Variants in KIAA1217 observed in about 807,000 individuals in gnomAD.
KIAA1217 encodes KIAA1217, also known as sickle tail protein homolog.
Under a neutral mutation model 163.9 loss-of-function variants are expected in KIAA1217, and 88 were observed. That is an observed-to-expected ratio of 0.54 (90% CI 0.45 to 0.64). KIAA1217 has a LOEUF of 0.64. Ranked by LOEUF, KIAA1217 falls within the 30% of genes least tolerant of loss-of-function variation. The pLI, the probability that KIAA1217 is intolerant of heterozygous loss-of-function variation, is 0.00. For synonymous variants in KIAA1217, 903 were observed against 923.1 expected (o/e 0.98, Z 0.39); for missense variants, 2,372 against 2,475.0 (o/e 0.96, Z 0.88).
chr10:24,340,059 T>G, intron 2 of KIAA1217, among the ~76,000 whole-genome samples: 1 of 152,206 alleles, frequency 6.6e-6, no homozygotes, highest in East Asian at 1.9e-4. Context: ...AAAGGATGTC[T>G]AACCATCCAA....
Position 24,380,991 on chromosome 10 carries a change from T to C in KIAA1217, c.477T>C (p.Pro159=), listed in dbSNP as rs1300943495. ...TGTCTGAGGGGGATGCTCCAACCCC[T>C]TTTTCCAGAGGCAGCCGGACTCGTG... ...EAMSEGDAPT[P]FSRGSRTRAS... The change falls in exon 3 of 21, where the codon CCT becomes CCC. Residue 159 remains proline (P), a synonymous_variant. Transcript: ENST00000376454. 4.4e-6 allele frequency: 7 copies of C among 1,602,808 alleles called. No individual in the cohort carries two copies. Among genetic ancestry groups the C allele is most frequent in the Admixed American group, 3.4e-5 (2 of 58,486 alleles).
chr10:24,158,440 T>C, intron 2 of KIAA1217: 1 of 565,870 alleles, frequency 1.8e-6, no homozygotes, highest in Non-Finnish European at 3.5e-6. Context: ...ACACATGATG[T>C]CTAACACAGG....
intron 2 of KIAA1217, among the ~76,000 whole-genome samples, chr10:24,237,032 T>C (rs1284002526): frequency 6.6e-6 from 1 of 152,234 alleles, no homozygotes; most frequent in African/African-American, 2.4e-5. Flanking sequence ...AAGTCAATCA[T>C]AGGTACCCAT....
At chr10:24,354,438 G>A (rs914973781) in intron 2 of KIAA1217, among the ~76,000 whole-genome samples, 2 of 152,218 alleles carry the variant, frequency 1.3e-5, no homozygotes, top group African/African-American at 2.4e-5. Context: ...TCTCAAAGCT[G>A]CAGTGGGCAT....
At position 23,982,086 on chromosome 10, in the gene KIAA1217, G is replaced by A. The variant is rs184679722; in HGVS notation, c.-320-25139G>A. On this transcript the variant is annotated intron_variant, in intron 1 of 18. Transcript: ENST00000376462. ...TGTGCCTGGAAAAATTCAAGCAGAA[G>A]CTGCAGGAAATCTTGTGGTGACTCT... Among the ~76,000 whole-genome samples, 26 of 151,928 alleles carry A rather than the reference G, an allele frequency of 1.7e-4. No individual in the cohort carries two copies. The East Asian group carries it at 5.1e-3, about 30-fold the overall frequency.
chr10:24,371,542 G>A (rs1041751314), intron 2 of KIAA1217, among the ~76,000 whole-genome samples: 4 of 152,150 alleles, frequency 2.6e-5, no homozygotes, highest in Non-Finnish European at 5.9e-5. Flanking sequence ...TGGCCTTGGC[G>A]CTTTTCTTAA....
chr10:23,894,576 G>T (rs544911702), intron 1 of KIAA1217, among the ~76,000 whole-genome samples: 35,381 of 142,242 alleles, frequency 0.25, 4,784 homozygotes, highest in Middle Eastern at 0.31. Flanking sequence ...CAAGGTAATG[G>T]ATAGATTCAA....
chr10:24,463,434 G>A (rs1592145054), intron 5 of KIAA1217, among the ~76,000 whole-genome samples: 1 of 152,094 alleles, frequency 6.6e-6, no homozygotes, highest in East Asian at 1.9e-4. Context: ...TTTGGCAGCA[G>A]TCTGTCTGTC....
chr10:24,097,366 A>G (rs1379135883), intron 2 of KIAA1217, among the ~76,000 whole-genome samples: 1 of 152,196 alleles, frequency 6.6e-6, no homozygotes, highest in African/African-American at 2.4e-5. Context: ...AGCCTGAACA[A>G]CATAGCAAGA....
chr10:24,281,741 C>T (rs778468103), intron 2 of KIAA1217, among the ~76,000 whole-genome samples: 5 of 151,980 alleles, frequency 3.3e-5, no homozygotes, highest in Non-Finnish European at 5.9e-5. Flanking sequence ...AAGCCATTCT[C>T]ATTATATCAT....
intron 2 of KIAA1217, among the ~76,000 whole-genome samples, chr10:24,072,740 G>T (rs970141461): frequency 3.3e-5 from 5 of 152,154 alleles, no homozygotes; most frequent in Non-Finnish European, 4.4e-5. Flanking sequence ...AAAAGGGAAT[G>T]ACATGATTAA....
intron 3 of KIAA1217, among the ~76,000 whole-genome samples, chr10:24,417,086 C>T (rs138809700): frequency 7.5e-4 from 114 of 152,136 alleles, no homozygotes; most frequent in Non-Finnish European, 1.4e-3. Flanking sequence ...TTTCAGGTCA[C>T]GTAAGAGATA....
chr10:24,186,917 C>T (rs2066461302), intron 2 of KIAA1217, among the ~76,000 whole-genome samples: 1 of 152,090 alleles, frequency 6.6e-6, no homozygotes, highest in African/African-American at 2.4e-5. Flanking sequence ...AAATTTTAAT[C>T]TAGTATTTTT....
chr10:24,108,787 A>G (rs1425565571), intron 2 of KIAA1217, among the ~76,000 whole-genome samples: 2 of 152,204 alleles, frequency 1.3e-5, no homozygotes, highest in Non-Finnish European at 2.9e-5. Flanking sequence ...TAAATAATGA[A>G]TGATTGGGGA....
intron 1 of KIAA1217, among the ~76,000 whole-genome samples, chr10:24,210,114 G>A (rs556299185): frequency 7.0e-6 from 1 of 143,232 alleles, no homozygotes; most frequent in Admixed American, 6.9e-5. Context: ...GCAGGGGCCA[G>A]TACACAACAA....
upstream of KIAA1217, among the ~76,000 whole-genome samples, chr10:24,208,609 G>GA (rs2067702130): frequency 3.2e-5 from 1 of 31,728 alleles, no homozygotes; most frequent in South Asian, 4.8e-4. Flanking sequence ...AATTGTTTGG[G>GA]ATTTTTTTTT....
At chr10:24,379,681 G>A (rs1229439903) in intron 2 of KIAA1217, among the ~76,000 whole-genome samples, 6 of 152,132 alleles carry the variant, frequency 3.9e-5, no homozygotes, top group Non-Finnish European at 7.3e-5. Flanking sequence ...CACACCTTGG[G>A]CATCCCTGAA....
intron 1 of KIAA1217, among the ~76,000 whole-genome samples, chr10:23,846,225 G>C (rs1265961161): frequency 6.6e-6 from 1 of 152,012 alleles, no homozygotes; most frequent in Non-Finnish European, 1.5e-5. Flanking sequence ...GCTCTTTTTG[G>C]GTTGCATATG....
chr10:24,218,734 C>T (rs1289186377), intron 1 of KIAA1217, among the ~76,000 whole-genome samples: 1 of 152,122 alleles, frequency 6.6e-6, no homozygotes, highest in Admixed American at 6.6e-5. Flanking sequence ...CGTGATTCAC[C>T]CGCCTCGGCC....
Sources: gnomAD v4.1 joint callset for allele counts (sites outside exome capture counted in the v4.1 genomes callset) on GRCh38, gnomAD v4.1.1 for gene constraint, MANE v1.5 for transcripts, NCBI Gene and HGNC (gene_info 2026-07-23, HGNC 2026-07-21) for gene names.